Variants in FGF14 observed in about 807,000 individuals in gnomAD.
FGF14 encodes fibroblast growth factor 14.
In FGF14, 5 loss-of-function variants were observed where a neutral mutation model predicts 25.5. That is an observed-to-expected ratio of 0.20 (90% CI 0.10 to 0.41). The LOEUF (loss-of-function observed/expected upper bound fraction) is 0.41, where lower values mean the gene tolerates loss of function less well. Ranked by LOEUF, FGF14 falls within the 10% of genes least tolerant of loss-of-function variation. The pLI, the probability that FGF14 is intolerant of heterozygous loss-of-function variation, is 1.00. For missense variants in FGF14, 222 were observed against 320.1 expected (o/e 0.69, Z 2.34); for synonymous variants, 138 against 118.3 (o/e 1.17, Z -1.08).
chr13:102,311,338 TC>T (rs1158801660), intron 1 of FGF14, among the ~76,000 whole-genome samples: 2 of 152,192 alleles, frequency 1.3e-5, no homozygotes, highest in Non-Finnish European at 2.9e-5. Flanking sequence ...AGCTATCTGA[TC>T]AGTCTTGAAG....
At position 101,719,867 on chromosome 13, in the gene FGF14, G is replaced by GC. The variant is rs1312171451; in HGVS notation, c.*2963_*2964insG. ...TAATAACAGCAAACTTAATTTCTGA[G>GC]GGGAAAAAAATGGCGAAGTCTTATC... On this transcript the variant is annotated 3_prime_UTR_variant, in exon 5 of 5. Transcript: ENST00000376143. 1 of 105,888 alleles carries GC rather than the reference G, an allele frequency of 9.4e-6. No homozygotes were observed. The highest frequency in any genetic ancestry group is 2.4e-4 in the East Asian group (1 of 4,214). The allele number at this position is 105,888 out of a possible 1,614,324, so 6.6% of individuals were successfully genotyped here.
At chr13:102,351,211 A>G (rs763204618) in intron 1 of FGF14, among the ~76,000 whole-genome samples, 2 of 152,180 alleles carry the variant, frequency 1.3e-5, no homozygotes, top group Non-Finnish European at 2.9e-5. Flanking sequence ...AATTTTGTAA[A>G]AAGTACAGTT....
Position 101,715,546 on chromosome 13 carries a change from T to C in FGF14, c.*7285A>G. 1.9e-6 allele frequency: 3 copies of C among 1,552,950 alleles called. No individual in the cohort carries two copies. The highest frequency in any genetic ancestry group is 2.7e-6 in the Non-Finnish European group (3 of 1,124,268). On this transcript the variant is annotated 3_prime_UTR_variant, in exon 5 of 5. Transcript: ENST00000376143. Reference sequence around the variant, plus strand: ...ATTTTGATCATAATCATGATACCTATATGTATTTTATTGCAGGGAATGGAA... The same window carrying C: ...ATTTTGATCATAATCATGATACCTACATGTATTTTATTGCAGGGAATGGAA...
intron 1 of FGF14, among the ~76,000 whole-genome samples, chr13:102,254,979 G>C (rs1341693838): frequency 1.3e-5 from 2 of 152,192 alleles, no homozygotes; most frequent in Non-Finnish European, 2.9e-5. Context: ...ATCTGCGACA[G>C]TTTAATGTAA....
At chr13:102,014,782 T>C (rs1392950139) in intron 1 of FGF14, among the ~76,000 whole-genome samples, 2 of 152,326 alleles carry the variant, frequency 1.3e-5, no homozygotes, top group African/African-American at 4.8e-5. Context: ...CTTATTTTTT[T>C]ATATTAATCG....
At chr13:101,779,239 C>A (rs1007539365) in intron 3 of FGF14, among the ~76,000 whole-genome samples, 1 of 152,192 alleles carries the variant, frequency 6.6e-6, no homozygotes, top group Non-Finnish European at 1.5e-5. Flanking sequence ...GTTATCTCAC[C>A]TCCCTTTATG....
At chr13:102,318,648 G>A (rs2056126662) in intron 1 of FGF14, among the ~76,000 whole-genome samples, 1 of 152,162 alleles carries the variant, frequency 6.6e-6, no homozygotes, top group Admixed American at 6.5e-5. Context: ...TCCCCTTTGT[G>A]TAAGGACACA....
At chr13:102,092,391 C>T (rs1360481035) in intron 1 of FGF14, among the ~76,000 whole-genome samples, 1 of 152,110 alleles carries the variant, frequency 6.6e-6, no homozygotes, top group East Asian at 1.9e-4. Context: ...AAACTGTGCC[C>T]ACATCATGTC....
At chr13:102,170,167 CTCTGAGATGTG>C (rs2048187703) in intron 1 of FGF14, among the ~76,000 whole-genome samples, 6 of 151,960 alleles carry the variant, frequency 3.9e-5, no homozygotes, top group Non-Finnish European at 8.8e-5. Flanking sequence ...TACAGGAAAA[CTCTGAGATGTG>C]GCTGGCTCCT....
Position 101,721,443 on chromosome 13 carries a change from T to TGTTGA in FGF14, c.*1387_*1388insTCAAC, listed in dbSNP as rs1363872239. ...ATGGATGAATGTGTTGGTTTGCCTT[T>TGTTGA]ATTTTCATCTAGGATAATTCAACAG... On this transcript the variant is annotated 3_prime_UTR_variant, in exon 5 of 5. Transcript: ENST00000376143. 1 of 151,934 alleles carries TGTTGA rather than the reference T, an allele frequency of 6.6e-6. No homozygotes were observed. The highest frequency in any genetic ancestry group is 1.5e-5 in the Non-Finnish European group (1 of 67,958). The allele number at this position is 151,934 out of a possible 1,614,324, so 9.4% of individuals were successfully genotyped here. A position where few individuals can be genotyped will look rare whatever the true frequency, so the allele number is the denominator to read the frequency against.
intron 1 of FGF14, among the ~76,000 whole-genome samples, chr13:101,957,599 G>A (rs1470840699): frequency 2.0e-5 from 3 of 152,160 alleles, no homozygotes; most frequent in Non-Finnish European, 4.4e-5. Flanking sequence ...AGCTTTCCAA[G>A]TGACTCATAT....
At chr13:101,938,101 T>C (rs2035219836) in intron 1 of FGF14, among the ~76,000 whole-genome samples, 1 of 152,210 alleles carries the variant, frequency 6.6e-6, no homozygotes, top group Non-Finnish European at 1.5e-5. Context: ...CAGGTCCTCA[T>C]GGGGTTCTGC....
chr13:102,027,264 A>G (rs1202461825), intron 1 of FGF14, among the ~76,000 whole-genome samples: 1 of 151,302 alleles, frequency 6.6e-6, no homozygotes, highest in Non-Finnish European at 1.5e-5. Context: ...TTTATAAAAT[A>G]GTATAATATG....
intron 1 of FGF14, among the ~76,000 whole-genome samples, chr13:102,319,256 A>G (rs2056152596): frequency 1.3e-5 from 2 of 152,252 alleles, no homozygotes; most frequent in African/African-American, 2.4e-5. Context: ...ATAATTAATT[A>G]CATATGCAAA....
At chr13:101,942,832 T>C (rs899030096) in intron 1 of FGF14, among the ~76,000 whole-genome samples, 2 of 152,248 alleles carry the variant, frequency 1.3e-5, no homozygotes, top group African/African-American at 4.8e-5. Flanking sequence ...AAGGTGTTAA[T>C]TGTTTAATCT....
chr13:102,096,437 A>G (rs2044404657), intron 1 of FGF14, among the ~76,000 whole-genome samples: 1 of 152,174 alleles, frequency 6.6e-6, no homozygotes, highest in Non-Finnish European at 1.5e-5. Context: ...AATTAAAAAA[A>G]AAACACACCA....
chr13:102,335,733 T>C (rs1389629565), intron 1 of FGF14, among the ~76,000 whole-genome samples: 1 of 152,200 alleles, frequency 6.6e-6, no homozygotes, highest in Non-Finnish European at 1.5e-5. Flanking sequence ...TGAAGGTTTG[T>C]GGACTCTGTG....
chr13:102,228,325 T>C (rs1346555868), intron 1 of FGF14, among the ~76,000 whole-genome samples: 1 of 152,152 alleles, frequency 6.6e-6, no homozygotes, highest in African/African-American at 2.4e-5. Context: ...ATTTAGGAAA[T>C]GGTGAAAACG....
At chr13:102,207,656 T>C (rs1314861811) in intron 1 of FGF14, among the ~76,000 whole-genome samples, 2 of 149,656 alleles carry the variant, frequency 1.3e-5, no homozygotes, top group South Asian at 2.1e-4. Flanking sequence ...AGACAGTGTT[T>C]ATAGACCTAG....
Sources: allele counts gnomAD v4.1 joint callset (sites outside exome capture counted in the v4.1 genomes callset), GRCh38; gene constraint gnomAD v4.1.1; transcripts MANE v1.5; gene names NCBI Gene and HGNC (gene_info 2026-07-23, HGNC 2026-07-21).